The following CACNB2 variants were observed in gnomAD, a reference collection of about 807,000 sequenced individuals.
CACNB2 encodes voltage-dependent L-type calcium channel subunit beta-2.
CACNB2 carries 42 observed loss-of-function variants against 73.3 expected under a neutral mutation model. The observed-to-expected ratio is 0.57, with a 90% CI of 0.45 to 0.74. The LOEUF is 0.74. Ranked by LOEUF, CACNB2 falls within the 30% of genes least tolerant of loss-of-function variation. The pLI is 0.00. For missense variants in CACNB2, 940 were observed against 853.0 expected (o/e 1.10, Z -1.27); for synonymous variants, 348 against 310.3 (o/e 1.12, Z -1.28).
intron 3 of CACNB2, among the ~76,000 whole-genome samples, chr10:18,483,229 TA>T (rs1439353204): frequency 5.3e-4 from 77 of 144,090 alleles, no homozygotes; most frequent in South Asian, 1.3e-3. Context: ...CATTTTCGTT[TA>T]AAAAAAAAAA....
At chr10:18,521,555 GTATT>G (rs2051885459) in intron 9 of CACNB2, among the ~76,000 whole-genome samples, 1 of 152,174 alleles carries the variant, frequency 6.6e-6, no homozygotes, top group South Asian at 2.1e-4. Context: ...GCCTCAGTAA[GTATT>G]TATTGAGTAT....
At chr10:18,168,404 G>A (rs111282314) in intron 2 of CACNB2, among the ~76,000 whole-genome samples, 18 of 152,206 alleles carry the variant, frequency 1.2e-4, no homozygotes, top group African/African-American at 4.1e-4. Flanking sequence ...CCCCAAAATT[G>A]ATTGAGCCAG....
chr10:18,447,280 C>A (rs757360587), intron 3 of CACNB2, among the ~76,000 whole-genome samples: 1 of 151,854 alleles, frequency 6.6e-6, no homozygotes, highest in African/African-American at 2.4e-5. Context: ...CACCATAGAC[C>A]GTGTATTTGG....
chr10:18,288,676 TAC>T (rs372916856), intron 2 of CACNB2, among the ~76,000 whole-genome samples: 52 of 144,252 alleles, frequency 3.6e-4, no homozygotes, highest in East Asian at 8.0e-4. Flanking sequence ...ATGAGATTTA[TAC>T]ACACACACAC....
intron 3 of CACNB2, among the ~76,000 whole-genome samples, chr10:18,421,357 G>A (rs1460513233): frequency 6.6e-6 from 1 of 151,420 alleles, no homozygotes; most frequent in Admixed American, 6.6e-5. Flanking sequence ...GAGTACAATG[G>A]TGCAATCTTG....
intron 2 of CACNB2, among the ~76,000 whole-genome samples, chr10:18,259,665 A>C (rs2037445796): frequency 7.1e-6 from 1 of 139,896 alleles, no homozygotes; most frequent in African/African-American, 2.7e-5. Flanking sequence ...CTGGAGGTGG[A>C]GGTTGCAGTG....
At chr10:18,161,796 G>A (rs772284401) in intron 2 of CACNB2, among the ~76,000 whole-genome samples, 4 of 152,074 alleles carry the variant, frequency 2.6e-5, no homozygotes, top group African/African-American at 4.8e-5. Flanking sequence ...GGGCATGGTG[G>A]TGGGCACCTG....
intron 2 of CACNB2, among the ~76,000 whole-genome samples, chr10:18,199,753 A>AT (rs2034791729): frequency 6.6e-6 from 1 of 152,096 alleles, no homozygotes; most frequent in African/African-American, 2.4e-5. Context: ...TGGAGAAGAG[A>AT]TTTTGAGGGA....
intron 2 of CACNB2, among the ~76,000 whole-genome samples, chr10:18,377,594 T>C (rs1054272465): frequency 3.3e-5 from 5 of 152,226 alleles, no homozygotes; most frequent in African/African-American, 1.2e-4. Context: ...TTCTTCTTCT[T>C]TTGATTGATT....
At chr10:18,357,537 A>G (rs531558982) in intron 2 of CACNB2, among the ~76,000 whole-genome samples, 1 of 152,324 alleles carries the variant, frequency 6.6e-6, no homozygotes, top group Admixed American at 6.5e-5. Flanking sequence ...GACAATAGTT[A>G]ACAATTTGGT....
intron 3 of CACNB2, among the ~76,000 whole-genome samples, chr10:18,454,201 G>C (rs974741216): frequency 1.3e-5 from 2 of 152,198 alleles, no homozygotes; most frequent in African/African-American, 2.4e-5. Context: ...ACATTCAGGG[G>C]AAGTAGTACC....
chr10:18,458,316 T>G (rs1190817939), intron 3 of CACNB2, among the ~76,000 whole-genome samples: 2 of 152,220 alleles, frequency 1.3e-5, no homozygotes, highest in Non-Finnish European at 2.9e-5. Context: ...GTCTAGGAAA[T>G]GTGAAAATTT....
chr10:18,261,339 A>G (rs1352250948), intron 2 of CACNB2: 2 of 1,551,506 alleles, frequency 1.3e-6, no homozygotes, highest in African/African-American at 1.4e-5. Context: ...TTGCTGTAGA[A>G]TTGCAGCTGG....
chr10:18,499,617 GAAAAAAAAAAA>G (rs59492615), intron 4 of CACNB2, among the ~76,000 whole-genome samples: 2 of 99,656 alleles, frequency 2.0e-5, no homozygotes, highest in African/African-American at 3.8e-5. Flanking sequence ...CTGTCTCAAA[GAAAAAAAAAAA>G]AAAAAAAAAA....
chr10:18,228,151 G>A lies in CACNB2; in HGVS notation c.213+77176G>A, dbSNP rs573376240. Among the ~76,000 whole-genome samples, 11 of 152,210 alleles carry A rather than the reference G, an allele frequency of 7.2e-5. No homozygotes were observed. In the East Asian group the frequency reaches 1.4e-3, roughly 19 times the overall value. ...GGAAAAAGAAAAATAGGCCGGACGC[G>A]GTGACTCACGCCTTGTAATCCTAGC... On this transcript the variant is annotated intron_variant, in intron 2 of 13. Coordinates refer to ENST00000324631, the MANE Select transcript of CACNB2 (RefSeq NM_201596.3).
intron 3 of CACNB2, among the ~76,000 whole-genome samples, chr10:18,487,709 C>A (rs1196956800): frequency 6.6e-6 from 1 of 152,020 alleles, no homozygotes; most frequent in Non-Finnish European, 1.5e-5. Context: ...TTGGCGGGCG[C>A]CTATAGTCCC....
intron 2 of CACNB2, among the ~76,000 whole-genome samples, chr10:18,232,008 T>C (rs185517197): frequency 6.6e-6 from 1 of 152,364 alleles, no homozygotes; most frequent in Admixed American, 6.5e-5. Flanking sequence ...AATTGTCCTT[T>C]ATTGCTTTTA....
At chr10:18,320,291 G>T (rs553516806) in intron 2 of CACNB2, among the ~76,000 whole-genome samples, 46 of 152,306 alleles carry the variant, frequency 3.0e-4, no homozygotes, top group African/African-American at 1.1e-3. Flanking sequence ...CATCTTCAGT[G>T]AGGGCAAAGT....
At chr10:18,457,665 C>T (rs750950554) in intron 3 of CACNB2, among the ~76,000 whole-genome samples, 50 of 151,938 alleles carry the variant, frequency 3.3e-4, no homozygotes, top group Non-Finnish European at 4.9e-4. Flanking sequence ...CTGAGGTGGG[C>T]GGATCACCTG....
Sources: gnomAD v4.1 joint callset for allele counts (sites outside exome capture counted in the v4.1 genomes callset) on GRCh38, gnomAD v4.1.1 for gene constraint, MANE v1.5 for transcripts, NCBI Gene and HGNC (gene_info 2026-07-23, HGNC 2026-07-21) for gene names.